The following CPNE4 variants were observed in gnomAD, a reference collection of about 807,000 sequenced individuals.
CPNE4 encodes the protein copine-4.
In CPNE4, 25 loss-of-function variants were observed where a neutral mutation model predicts 67.9. That is an observed-to-expected ratio of 0.37 (90% CI 0.27 to 0.51). The LOEUF (loss-of-function observed/expected upper bound fraction) is 0.51. CPNE4 is among the 20% of genes least tolerant of loss of function. The pLI, the probability that CPNE4 is intolerant of heterozygous loss-of-function variation, is 0.93. For synonymous variants in CPNE4, 242 were observed against 244.9 expected, an observed-to-expected ratio of 0.99 and a Z score of 0.11; for missense variants, 464 against 690.8, an observed-to-expected ratio of 0.67 and a Z score of 3.68.
intron 7 of CPNE4, among the ~76,000 whole-genome samples, chr3:131,653,086 C>G (rs1434112813): frequency 1.3e-5 from 2 of 151,868 alleles, no homozygotes; most frequent in Non-Finnish European, 2.9e-5. Flanking sequence ...TGATCTGGTA[C>G]CAAGTTCTGG....
intron 2 of CPNE4, among the ~76,000 whole-genome samples, chr3:131,825,917 C>G (rs2085139691): frequency 6.6e-6 from 1 of 152,136 alleles, no homozygotes; most frequent in Non-Finnish European, 1.5e-5. Context: ...TTCCAAGCAG[C>G]GTTTATATTC....
chr3:131,972,667 G>C (rs1175793476), intron 1 of CPNE4, among the ~76,000 whole-genome samples: 1 of 152,112 alleles, frequency 6.6e-6, no homozygotes, highest in Non-Finnish European at 1.5e-5. Context: ...AAGGCCATAT[G>C]GTACAGAGCT....
intron 1 of CPNE4, among the ~76,000 whole-genome samples, chr3:131,976,080 G>GGTT (rs1553820165): frequency 1.5e-3 from 106 of 70,910 alleles, no homozygotes; most frequent in African/African-American, 5.0e-3. Context: ...CAATATTGTT[G>GGTT]GTTTTTTTTT....
At chr3:131,647,455 C>T (rs773073779) in intron 7 of CPNE4, among the ~76,000 whole-genome samples, 6 of 152,182 alleles carry the variant, frequency 3.9e-5, no homozygotes, top group Non-Finnish European at 8.8e-5. Flanking sequence ...CAGATTCCAC[C>T]TTTTGCCTGC....
chr3:131,795,474 C>G (rs1196807170), intron 2 of CPNE4, among the ~76,000 whole-genome samples: 1 of 152,192 alleles, frequency 6.6e-6, no homozygotes, highest in Non-Finnish European at 1.5e-5. Flanking sequence ...ATTAAGCTTT[C>G]TTCCCTAAGG....
At chr3:131,879,026 G>T (rs892614660) in intron 2 of CPNE4, among the ~76,000 whole-genome samples, 1 of 152,212 alleles carries the variant, frequency 6.6e-6, no homozygotes, top group Non-Finnish European at 1.5e-5. Context: ...AACTGACGCT[G>T]TCTCCTATTG....
At chr3:131,669,956 A>G (rs1229648297) in intron 6 of CPNE4, among the ~76,000 whole-genome samples, 192 bp from the exon 7 acceptor site, 3 of 152,018 alleles carry the variant, frequency 2.0e-5, no homozygotes, top group Non-Finnish European at 4.4e-5. Context: ...TATGCACAGA[A>G]CTCCTGTGGT....
At chr3:131,684,932 G>A (rs747183139) in intron 6 of CPNE4, among the ~76,000 whole-genome samples, 4 of 152,158 alleles carry the variant, frequency 2.6e-5, no homozygotes, top group Non-Finnish European at 4.4e-5. Context: ...GAAAGAAGAG[G>A]AAGAGTGAGA....
chr3:131,606,348 A>G (rs1303649439), intron 7 of CPNE4, among the ~76,000 whole-genome samples: 1 of 152,180 alleles, frequency 6.6e-6, no homozygotes, highest in African/African-American at 2.4e-5. Context: ...ACAGATCCCA[A>G]AAGCATGGAG....
intron 1 of CPNE4, among the ~76,000 whole-genome samples, chr3:132,009,783 G>T (rs994363522): frequency 4.6e-5 from 7 of 152,214 alleles, no homozygotes; most frequent in African/African-American, 1.7e-4. Context: ...TGTCCCCTGG[G>T]GGTATTTGGC....
intron 1 of CPNE4, among the ~76,000 whole-genome samples, chr3:131,991,985 C>T (rs2073184902): frequency 7.3e-6 from 1 of 136,570 alleles, no homozygotes; most frequent in Non-Finnish European, 1.7e-5. Flanking sequence ...GAAACCTCTG[C>T]CTAGATTTCA....
intron 1 of CPNE4, among the ~76,000 whole-genome samples, chr3:131,956,457 T>C (rs546839168): frequency 2.0e-5 from 3 of 152,286 alleles, no homozygotes; most frequent in African/African-American, 4.8e-5. Context: ...ATCTTAAGTA[T>C]TAGAATAATT....
At chr3:131,879,873 T>C (rs1444108241) in intron 2 of CPNE4, among the ~76,000 whole-genome samples, 2 of 152,180 alleles carry the variant, frequency 1.3e-5, no homozygotes, top group Admixed American at 6.5e-5. Context: ...CTCTACCTTA[T>C]ATACCTGGCA....
intron 3 of CPNE4, among the ~76,000 whole-genome samples, chr3:131,716,526 A>G (rs1253388575): frequency 6.6e-6 from 1 of 152,178 alleles, no homozygotes; most frequent in Non-Finnish European, 1.5e-5. Context: ...CAGTTTTACT[A>G]TTATACTCGC....
rs1045348229 is a variant in CPNE4 at position 131,958,746 on chromosome 3, C to T, written c.-1-53302G>A. ...CGATCTTGGCTCACGGCAACCTCCA[C>T]CTCTCAGGTTCAAGCAATTCCCCTG... On this transcript the variant is annotated intron_variant, in intron 1 of 15. Transcript: ENST00000429747. Among the ~76,000 whole-genome samples the T allele has an allele frequency of 3.0e-4, 45 of 150,340 alleles. 1 individual carries two copies. The Middle Eastern group carries it at 0.021, about 69-fold the overall frequency.
intron 2 of CPNE4, among the ~76,000 whole-genome samples, chr3:131,764,865 A>G (rs2082970523): frequency 6.6e-6 from 1 of 152,134 alleles, no homozygotes; most frequent in African/African-American, 2.4e-5. Flanking sequence ...GTGACTAGAC[A>G]CATTGAAGAG....
intron 7 of CPNE4, among the ~76,000 whole-genome samples, chr3:131,633,353 T>C (rs59445920): frequency 0.27 from 41,702 of 151,918 alleles, 9,466 homozygotes; most frequent in African/African-American, 0.63. Flanking sequence ...TAGGTACCCA[T>C]TGTAAGGTAG....
chr3:131,564,299 G>T lies in CPNE4; in HGVS notation c.978C>A (p.Ser326=), dbSNP rs1292641265. 6.2e-7 allele frequency: 1 copy of T among 1,612,784 alleles called. No individual in the cohort carries two copies. Among genetic ancestry groups the T allele is most frequent in the East Asian group, 2.2e-5 (1 of 44,822 alleles). ...ASNGDPRNSC[S]LHYIHPYQPN... is the part of the protein sequence containing the mutation. Reference sequence around the variant, plus strand: ...GTTGGTAAGGGTGGATGTAGTGCAAGGAACAGCTGTTCCTGGGGTCCCCGT... The same window carrying T: ...GTTGGTAAGGGTGGATGTAGTGCAATGAACAGCTGTTCCTGGGGTCCCCGT... The change falls in exon 11 of 16, where the codon TCC becomes TCA. Residue 326 remains serine (S), a synonymous_variant. Transcript: ENST00000429747.
rs564976306 is a variant in CPNE4, at chr3:131,546,240, T to A, written c.1303-3447A>T. Reference sequence around the variant, plus strand: ...CCAGGTTTCATCTAGCTAAAGGCACTAGGCTGTAGACTGCAGGATCGAAAC... The same window carrying A: ...CCAGGTTTCATCTAGCTAAAGGCACAAGGCTGTAGACTGCAGGATCGAAAC... On this transcript the variant is annotated intron_variant, in intron 14 of 15. Coordinates refer to ENST00000429747, the MANE Select transcript of CPNE4 (RefSeq NM_130808.3). 2.6e-5 allele frequency among the ~76,000 whole-genome samples: 4 copies of A among 152,306 alleles called. No homozygotes were observed. The East Asian group carries it at 7.7e-4, about 29-fold the overall frequency.
Sources: gnomAD v4.1 joint callset for allele counts (sites outside exome capture counted in the v4.1 genomes callset) on GRCh38, gnomAD v4.1.1 for gene constraint, MANE v1.5 for transcripts, NCBI Gene and HGNC (gene_info 2026-07-23, HGNC 2026-07-21) for gene names.